The following PARD3B variants were observed in gnomAD, a reference collection of about 807,000 sequenced individuals.
PARD3B encodes the protein par-3 family cell polarity regulator beta, also known as partitioning defective 3 homolog B.
In PARD3B, 103 loss-of-function variants were observed where a neutral mutation model predicts 130.2. The observed-to-expected ratio is 0.79, with a 90% CI of 0.67 to 0.93. The LOEUF (loss-of-function observed/expected upper bound fraction) is 0.93, where lower values mean the gene tolerates loss of function less well. PARD3B is among the 40% of genes least tolerant of loss of function. The pLI, the probability that PARD3B is intolerant of heterozygous loss-of-function variation, is 0.00. For synonymous variants in PARD3B, 583 were observed against 553.2 expected, an observed-to-expected ratio of 1.05 and a Z score of -0.76; for missense variants, 1,609 against 1,499.2, an observed-to-expected ratio of 1.07 and a Z score of -1.21.
chr2:204,939,120 G>C (rs7581740), intron 2 of PARD3B, among the ~76,000 whole-genome samples: 74,629 of 151,970 alleles, frequency 0.49, 20,100 homozygotes, highest in African/African-American at 0.68. Flanking sequence ...GAAATCACAA[G>C]TGCATTTTTT....
chr2:204,645,688 G>A (rs1468107948), intron 1 of PARD3B, among the ~76,000 whole-genome samples: 1 of 152,040 alleles, frequency 6.6e-6, no homozygotes, highest in Non-Finnish European at 1.5e-5. Context: ...TTTCTTAAAT[G>A]ATGACTGAAT....
Position 205,061,562 on chromosome 2 carries a change from C to T in PARD3B, c.504+13872C>T, listed in dbSNP as rs111547999. ...ACTATGTGTGTGTGTTAAATACATA[C>T]GTATGTTGGATTTGTGCCATGCATG... On this transcript the variant is annotated intron_variant, in intron 4 of 22. Transcript: ENST00000406610. Among the ~76,000 whole-genome samples, 180 of 152,018 alleles carry T rather than the reference C, an allele frequency of 1.2e-3. 1 individual carries two copies. Among genetic ancestry groups the T allele is most frequent in the African/African-American group, 4.1e-3 (169 of 41,472 alleles).
intron 3 of PARD3B, among the ~76,000 whole-genome samples, chr2:204,991,425 C>G (rs13396828): frequency 1.4e-5 from 2 of 142,396 alleles, no homozygotes; most frequent in East Asian, 4.0e-4. Context: ...TTTATGGCTG[C>G]ATAGTATTCC....
chr2:204,817,133 A>T (rs1241796431), intron 2 of PARD3B, among the ~76,000 whole-genome samples: 4 of 152,100 alleles, frequency 2.6e-5, no homozygotes. Context: ...ATTATTTGTA[A>T]TAACTGTTTT....
At chr2:204,866,253 T>C (rs933602297) in intron 2 of PARD3B, among the ~76,000 whole-genome samples, 8 of 152,208 alleles carry the variant, frequency 5.3e-5, no homozygotes, top group Non-Finnish European at 7.3e-5. Flanking sequence ...CAAAATCCAT[T>C]TCCACCATTT....
At chr2:204,760,259 T>A (rs1416766621) in intron 2 of PARD3B, among the ~76,000 whole-genome samples, 1 of 152,134 alleles carries the variant, frequency 6.6e-6, no homozygotes, top group Admixed American at 6.6e-5. Context: ...GAAATAGTGA[T>A]ATGAAGAGTT....
intron 2 of PARD3B, among the ~76,000 whole-genome samples, chr2:204,703,380 C>G (rs1038185047): frequency 6.6e-6 from 1 of 152,156 alleles, no homozygotes; most frequent in Non-Finnish European, 1.5e-5. Flanking sequence ...AAATAAGATG[C>G]TTCTTGTTAA....
chr2:204,732,531 G>A (rs1213003059), intron 2 of PARD3B, among the ~76,000 whole-genome samples: 2 of 147,434 alleles, frequency 1.4e-5, no homozygotes. Context: ...TTGAGACGGA[G>A]TCTCGCTCTG....
chr2:204,574,474 G>A (rs779557711), intron 1 of PARD3B, among the ~76,000 whole-genome samples: 7 of 152,104 alleles, frequency 4.6e-5, no homozygotes, highest in Non-Finnish European at 8.8e-5. Flanking sequence ...TCTGTGAGAG[G>A]TTATAGATTC....
chr2:204,654,085 CTT>C (rs2035569779), intron 1 of PARD3B, among the ~76,000 whole-genome samples: 2 of 151,234 alleles, frequency 1.3e-5, no homozygotes, highest in Admixed American at 1.3e-4. Flanking sequence ...GTGTGGTCCT[CTT>C]TATCTGTGTC....
At chr2:205,535,246 C>T (rs969670793) in intron 21 of PARD3B, among the ~76,000 whole-genome samples, 1 of 152,156 alleles carries the variant, frequency 6.6e-6, no homozygotes, top group Non-Finnish European at 1.5e-5. Context: ...CCCGGTCTTT[C>T]CTTTAACACA....
chr2:204,879,938 C>CT (rs2045977416), intron 2 of PARD3B, among the ~76,000 whole-genome samples: 1 of 152,192 alleles, frequency 6.6e-6, no homozygotes, highest in Non-Finnish European at 1.5e-5. Context: ...GAAATAGACT[C>CT]TAACTGATGA....
intron 15 of PARD3B, among the ~76,000 whole-genome samples, chr2:205,224,490 A>G (rs2038432185): frequency 1.3e-5 from 2 of 151,548 alleles, no homozygotes; most frequent in South Asian, 2.1e-4. Flanking sequence ...TATTCTGACT[A>G]TATTTTTGTG....
intron 4 of PARD3B, among the ~76,000 whole-genome samples, chr2:205,056,162 T>C (rs934747041): frequency 6.6e-6 from 1 of 151,960 alleles, no homozygotes; most frequent in African/African-American, 2.4e-5. Flanking sequence ...GAAAATTATT[T>C]CTTTGAGCAT....
chr2:205,193,720 A>T (rs549795391), intron 15 of PARD3B, among the ~76,000 whole-genome samples: 18 of 152,322 alleles, frequency 1.2e-4, no homozygotes, highest in African/African-American at 3.6e-4. Flanking sequence ...CATGTGGTTC[A>T]AAGCATCCTT....
intron 16 of PARD3B, among the ~76,000 whole-genome samples, chr2:205,299,476 C>CTT (rs2041912355): frequency 6.6e-6 from 1 of 151,660 alleles, no homozygotes. Flanking sequence ...TGAGCTGTGG[C>CTT]CCTGGTGGAA....
intron 1 of PARD3B, among the ~76,000 whole-genome samples, chr2:204,566,271 G>A (rs1441500751): frequency 6.6e-6 from 1 of 152,230 alleles, no homozygotes; most frequent in Admixed American, 6.5e-5. Context: ...CAAAGGTACA[G>A]CTCTGCAGTT....
In PARD3B at chr2:205,089,031, G is replaced by A. The variant is rs182462231; in HGVS notation, c.505-15395G>A. ...TTGGCCAGGATGGTGTCAGTCTCTT[G>A]GCCTCGTGATCCACCTGCCTTGGCC... On this transcript the variant is annotated intron_variant, in intron 4 of 22. Transcript: ENST00000406610. 4.0e-3 allele frequency among the ~76,000 whole-genome samples: 601 copies of A among 152,066 alleles called. 11 individuals carry two copies. In the East Asian group the frequency reaches 0.044, roughly 11 times the overall value.
intron 1 of PARD3B, among the ~76,000 whole-genome samples, chr2:204,685,909 G>A (rs1005700423): frequency 6.6e-6 from 1 of 152,072 alleles, no homozygotes; most frequent in African/African-American, 2.4e-5. Flanking sequence ...AATTCCCTGA[G>A]TATGTTTTTC....
Sources: allele counts gnomAD v4.1 joint callset (sites outside exome capture counted in the v4.1 genomes callset), GRCh38; gene constraint gnomAD v4.1.1; transcripts MANE v1.5; gene names NCBI Gene and HGNC (gene_info 2026-07-23, HGNC 2026-07-21).